PIK3C2G: variants seen among roughly 807,000 people sequenced by gnomAD.
PIK3C2G encodes the protein phosphatidylinositol 3-kinase C2 domain-containing subunit gamma.
PIK3C2G carries 168 observed loss-of-function variants against 181.1 expected under a neutral mutation model. The ratio of observed to expected loss-of-function variants is 0.93; its 90% CI spans 0.82 to 1.05. PIK3C2G has a LOEUF of 1.05. PIK3C2G is among the 50% of genes least tolerant of loss of function. The pLI is 0.00. For missense variants in PIK3C2G, 1,869 were observed against 1,732.8 expected (o/e 1.08, Z -1.40); for synonymous variants, 573 against 592.2 (o/e 0.97, Z 0.47).
At chr12:18,679,965 TG>T in the PIK3C2G span, among the ~76,000 whole-genome samples, 17 of 152,010 alleles carry the variant, frequency 1.1e-4, no homozygotes, top group Admixed American at 9.2e-4. Context: ...GGGTTTCCAG[TG>T]GCTGGTAGAA....
chr12:18,717,852 T>C, the PIK3C2G span, among the ~76,000 whole-genome samples: 333 of 152,310 alleles, frequency 2.2e-3, 1 homozygote, highest in African/African-American at 7.5e-3. Context: ...ATTATGATAA[T>C]GCAAAGAAAA....
chr12:18,402,578 A>C (rs187594756), intron 16 of PIK3C2G, among the ~76,000 whole-genome samples: 3 of 152,280 alleles, frequency 2.0e-5, no homozygotes, highest in Non-Finnish European at 2.9e-5. Flanking sequence ...ATATCTATGA[A>C]TCTCTCTAAT....
At chr12:18,336,051 G>A (rs962668426) in intron 8 of PIK3C2G, among the ~76,000 whole-genome samples, 3 of 151,920 alleles carry the variant, frequency 2.0e-5, no homozygotes, top group Non-Finnish European at 4.4e-5. Context: ...AGTTTTTTAT[G>A]ATTTTCTAAT....
the PIK3C2G span, among the ~76,000 whole-genome samples, chr12:18,717,365 T>C: frequency 6.6e-6 from 1 of 152,170 alleles, no homozygotes; most frequent in Admixed American, 6.5e-5. Flanking sequence ...TTTACTTAGA[T>C]TTGAAATTAG....
chr12:18,366,772 A>AT (rs1428648041), intron 12 of PIK3C2G, among the ~76,000 whole-genome samples: 1 of 151,132 alleles, frequency 6.6e-6, no homozygotes, highest in Non-Finnish European at 1.5e-5. Context: ...CCGCTTACTG[A>AT]TGTGTCTCTT....
rs1428331476 is a variant in PIK3C2G, at chr12:18,294,094, CA to C, written c.1034+80del. 7 of 676,636 alleles carry C rather than the reference CA, an allele frequency of 1.0e-5. No homozygotes were observed. The East Asian group carries it at 1.9e-4, about 18-fold the overall frequency. 41.9% of individuals were successfully genotyped at this position (676,636 alleles called of 1,614,324 possible). A position where few individuals can be genotyped will look rare whatever the true frequency, so the allele number is the denominator to read the frequency against. On this transcript the variant is annotated intron_variant, in intron 5 of 32. Coordinates refer to ENST00000538779, the MANE Select transcript of PIK3C2G (RefSeq NM_001288772.2). ...CACTTGTTTATGGTTTTGTTTTAAA[CA>C]GACTTTACACAAACATTATAGTCTT... is the stretch of plus-strand genomic sequence containing the variant.
At chr12:18,396,015 C>A (rs1943870692) in intron 15 of PIK3C2G, among the ~76,000 whole-genome samples, 1 of 151,458 alleles carries the variant, frequency 6.6e-6, no homozygotes, top group Non-Finnish European at 1.5e-5. Context: ...AATAGCAGTA[C>A]AGTGAGCCTT....
the PIK3C2G span, chr12:18,705,238 C>A: frequency 3.1e-6 from 5 of 1,613,864 alleles, no homozygotes; most frequent in Admixed American, 8.3e-5. Context: ...AAGTAGCCTG[C>A]AAATTGTCTG....
chr12:18,644,673 T>C (rs2136829917), intron 32 of PIK3C2G, among the ~76,000 whole-genome samples: 1 of 152,284 alleles, frequency 6.6e-6, no homozygotes, highest in Admixed American at 6.5e-5. Context: ...ATTGTATTTG[T>C]AAGTGAAGAC....
chr12:18,359,341 T>C (rs2137775105), intron 11 of PIK3C2G, among the ~76,000 whole-genome samples: 1 of 152,364 alleles, frequency 6.6e-6, no homozygotes, highest in Middle Eastern at 3.4e-3. Context: ...GAGATTTGTT[T>C]TGTGACCTAA....
chr12:18,536,406 T>C (rs757848425), intron 24 of PIK3C2G, among the ~76,000 whole-genome samples: 5 of 152,100 alleles, frequency 3.3e-5, no homozygotes, highest in Middle Eastern at 3.2e-3. Flanking sequence ...CAAGTGCTCT[T>C]ATCTCCATTT....
chr12:18,511,168 T>C (rs1330963569), intron 24 of PIK3C2G, among the ~76,000 whole-genome samples: 2 of 152,152 alleles, frequency 1.3e-5, no homozygotes, highest in Non-Finnish European at 2.9e-5. Context: ...TTCCCCTCTT[T>C]TAAAACTAAA....
chr12:18,480,988 A>G (rs1939506995), intron 18 of PIK3C2G, among the ~76,000 whole-genome samples: 1 of 151,836 alleles, frequency 6.6e-6, no homozygotes, highest in Non-Finnish European at 1.5e-5. Flanking sequence ...GCTGGAGTGC[A>G]GTGGCGCAAT....
chr12:18,264,918 A>G (rs910835601), intron 1 of PIK3C2G, among the ~76,000 whole-genome samples: 4 of 152,218 alleles, frequency 2.6e-5, no homozygotes, highest in African/African-American at 9.6e-5. Flanking sequence ...AACCCACTGT[A>G]GAAGCCTGCA....
At chr12:18,275,598 G>T (rs1948950527) in intron 1 of PIK3C2G, among the ~76,000 whole-genome samples, 1 of 152,080 alleles carries the variant, frequency 6.6e-6, no homozygotes, top group Non-Finnish European at 1.5e-5. Context: ...GGCCAGGCTG[G>T]CCTCAAACTC....
downstream of PIK3C2G, among the ~76,000 whole-genome samples, chr12:18,650,664 A>ATATGTGTGTG (rs1491090562): frequency 1.7e-4 from 6 of 35,592 alleles, no homozygotes; most frequent in South Asian, 1.7e-3. Flanking sequence ...TGGAATATAA[A>ATATGTGTGTG]TGTGTGTGTG....
intron 16 of PIK3C2G, among the ~76,000 whole-genome samples, chr12:18,414,565 A>T (rs1945063510): frequency 6.7e-6 from 1 of 150,152 alleles, no homozygotes; most frequent in African/African-American, 2.5e-5. Flanking sequence ...GTTATATCAT[A>T]TTTAATTTAA....
chr12:18,602,582 G>C (rs541765690), intron 30 of PIK3C2G, among the ~76,000 whole-genome samples: 128 of 152,024 alleles, frequency 8.4e-4, no homozygotes, highest in African/African-American at 2.9e-3. Flanking sequence ...CAGCACAAGA[G>C]CATTAAACCA....
At chr12:18,520,678 G>A (rs1463697371) in intron 24 of PIK3C2G, among the ~76,000 whole-genome samples, 10 of 152,208 alleles carry the variant, frequency 6.6e-5, no homozygotes, top group Admixed American at 2.6e-4. Flanking sequence ...CTAGTGCAGC[G>A]TAGCTTGCTA....
Sources: gnomAD v4.1 joint callset for allele counts (sites outside exome capture counted in the v4.1 genomes callset) on GRCh38, gnomAD v4.1.1 for gene constraint, MANE v1.5 for transcripts, NCBI Gene and HGNC (gene_info 2026-07-23, HGNC 2026-07-21) for gene names.